AOAH: variants seen among roughly 807,000 people sequenced by gnomAD.
AOAH encodes acyloxyacyl hydrolase (neutrophil).
In AOAH, 64 loss-of-function variants were observed where a neutral mutation model predicts 92.2. That is an observed-to-expected ratio of 0.69 (90% CI 0.57 to 0.86). The LOEUF is 0.86. Ranked by LOEUF, AOAH falls within the 40% of genes least tolerant of loss-of-function variation. The pLI is 0.00. For missense variants in AOAH, 656 were observed against 694.6 expected, an observed-to-expected ratio of 0.94 and a Z score of 0.62; for synonymous variants, 263 against 254.5, an observed-to-expected ratio of 1.03 and a Z score of -0.32.
chr7:36,606,736 A>ATTGT (rs1791031960), intron 11 of AOAH, among the ~76,000 whole-genome samples: 1 of 152,090 alleles, frequency 6.6e-6, no homozygotes, highest in Non-Finnish European at 1.5e-5. Flanking sequence ...TCAAGCAGAG[A>ATTGT]TTGTTTTTTC....
intron 4 of AOAH, among the ~76,000 whole-genome samples, chr7:36,651,327 G>A (rs899240030): frequency 2.6e-5 from 4 of 152,174 alleles, no homozygotes; most frequent in Admixed American, 2.6e-4. Flanking sequence ...TAGAAAGTAT[G>A]GGACTTCAGG....
At chr7:36,587,271 CAAAA>C (rs57475443) in intron 12 of AOAH, among the ~76,000 whole-genome samples, 5 of 84,910 alleles carry the variant, frequency 5.9e-5, no homozygotes, top group Non-Finnish European at 9.5e-5. Flanking sequence ...GACTCCGTCT[CAAAA>C]AAAAAAAAAA....
In AOAH at chr7:36,614,057, C is replaced by A. The variant is rs566555814; in HGVS notation, c.846+2323G>T. On this transcript the variant is annotated intron_variant, in intron 11 of 20. Transcript: ENST00000617537. The surrounding 1 kb of genome is among the most constrained non-coding windows in gnomAD (Gnocchi z 4.2). ...GTCAAGGAAAAAATGATAATTTCTG[C>A]GGGTTAATTTCTCTGGATCAGTTTC... 3.3e-5 allele frequency among the ~76,000 whole-genome samples: 5 copies of A among 152,084 alleles called. No individual in the cohort carries two copies. The highest frequency in any genetic ancestry group is 7.4e-5 in the Non-Finnish European group (5 of 68,016).
intron 6 of AOAH, among the ~76,000 whole-genome samples, chr7:36,628,455 G>A (rs977701529): frequency 6.6e-6 from 1 of 152,116 alleles, no homozygotes; most frequent in Non-Finnish European, 1.5e-5. Context: ...TCCTTCATGT[G>A]TTCCCTCATT....
At chr7:36,542,308 G>C (rs890207237) in intron 15 of AOAH, among the ~76,000 whole-genome samples, 3 of 152,144 alleles carry the variant, frequency 2.0e-5, no homozygotes, top group Non-Finnish European at 4.4e-5. Flanking sequence ...ATGGCCCCAC[G>C]GACACCTTGA....
chr7:36,585,574 T>C (rs2116720060), intron 12 of AOAH, among the ~76,000 whole-genome samples: 1 of 152,296 alleles, frequency 6.6e-6, no homozygotes, highest in Admixed American at 6.5e-5. Flanking sequence ...ACTCTGGATA[T>C]AAGTTGGATG....
chr7:36,526,262 AT>A (rs929153640), intron 19 of AOAH, among the ~76,000 whole-genome samples: 17 of 150,598 alleles, frequency 1.1e-4, no homozygotes, highest in African/African-American at 2.2e-4. Flanking sequence ...GGTAAACATC[AT>A]TTTTTTCCCC....
In AOAH at chr7:36,614,147, C is replaced by T. The variant is rs1171536232; in HGVS notation, c.846+2233G>A. Among the ~76,000 whole-genome samples, 3 of 152,188 alleles carry T rather than the reference C, an allele frequency of 2.0e-5. No homozygotes were observed. The highest frequency in any genetic ancestry group is 2.1e-4 in the South Asian group (1 of 4,828). On this transcript the variant is annotated intron_variant, in intron 11 of 20. Transcript: ENST00000617537. This position sits in a 1 kb window ranked among gnomAD's most constrained non-coding sequence, Gnocchi z 4.2. ...TGGCTGTATGACAGGGCTTCCCCAC[C>T]GTGCCCATGTCCCTTTCTCGAGGGC...
At chr7:36,620,600 T>G (rs1231306462) in intron 9 of AOAH, among the ~76,000 whole-genome samples, 181 bp downstream of exon 9, 1 of 152,228 alleles carries the variant, frequency 6.6e-6, no homozygotes, top group Non-Finnish European at 1.5e-5. Flanking sequence ...TCAACTCTCA[T>G]GACATCATTG....
rs1312870052 is a variant in AOAH, at chr7:36,522,092, C to T, written c.1546G>A (p.Gly516Ser). ...HEIIQEWQKR[G>S]GQPWQLIEPV... The stretch of plus-strand genomic sequence containing the variant: ...TCGATGAGCTGCCAGGGCTGTCCGC[C>T]TCTCTTCTGCCACTCCTGTATGACT... The change falls in exon 20 of 21, where the codon GGC (glycine) becomes AGC (serine). Residue 516 changes from glycine to serine, a missense_variant. Gly to Ser is a moderately conservative substitution (Grantham distance 56). Coordinates refer to ENST00000617537, the MANE Select transcript of AOAH (RefSeq NM_001637.4). 1 of 1,614,216 alleles carries T rather than the reference C, an allele frequency of 6.2e-7. No homozygotes were observed. The highest frequency in any genetic ancestry group is 2.2e-5 in the East Asian group (1 of 44,890).
intron 16 of AOAH, among the ~76,000 whole-genome samples, chr7:36,536,345 G>A (rs763104083): frequency 6.6e-6 from 1 of 152,082 alleles, no homozygotes; most frequent in Non-Finnish European, 1.5e-5. Context: ...CACATTTCTA[G>A]GCCCAAATAA....
intron 5 of AOAH, among the ~76,000 whole-genome samples, chr7:36,633,718 G>A (rs1242608026): frequency 1.3e-5 from 2 of 152,126 alleles, no homozygotes; most frequent in African/African-American, 4.8e-5. Flanking sequence ...TCAGGCAGAG[G>A]AATCACATTT....
chr7:36,585,478 C>A (rs888330098), intron 12 of AOAH, among the ~76,000 whole-genome samples: 1 of 152,072 alleles, frequency 6.6e-6, no homozygotes, highest in Non-Finnish European at 1.5e-5. Flanking sequence ...ACATTTGGGT[C>A]CAATAATTTT....
intron 9 of AOAH, 113 bp downstream of exon 9, chr7:36,620,668 T>A (rs1227194437): frequency 1.1e-5 from 10 of 927,772 alleles, no homozygotes; most frequent in Non-Finnish European, 1.7e-5. Context: ...AGGAAAAGAG[T>A]TGCTTTAGGC....
chr7:36,651,940 C>A (rs756353303), intron 4 of AOAH, among the ~76,000 whole-genome samples: 1 of 152,212 alleles, frequency 6.6e-6, no homozygotes. Flanking sequence ...TTTGTGTATA[C>A]ATGGGTTGTA....
chr7:36,651,883 A>C (rs560155509), intron 4 of AOAH, among the ~76,000 whole-genome samples: 48 of 152,258 alleles, frequency 3.2e-4, no homozygotes, highest in Admixed American at 2.6e-3. Flanking sequence ...ACATCCACAT[A>C]CACACACACA....
intron 13 of AOAH, among the ~76,000 whole-genome samples, chr7:36,554,758 A>C (rs1302262180): frequency 1.3e-5 from 2 of 150,682 alleles, no homozygotes; most frequent in Non-Finnish European, 3.0e-5. Flanking sequence ...TGTGAATGGG[A>C]GTTCACTCAT....
In AOAH at chr7:36,516,531, C is replaced by T. The variant is rs1783727428; in HGVS notation, c.1600-3151G>A. 6.6e-6 allele frequency among the ~76,000 whole-genome samples: 1 copy of T among 151,946 alleles called. No homozygotes were observed. Among genetic ancestry groups the T allele is most frequent in the African/African-American group, 2.4e-5 (1 of 41,370 alleles). Reference sequence around the variant, plus strand: ...CACACCCCACATATACTTCTTTGCACTTAAAAGCAGGAGCATGTCAAAGGC... The same window carrying T: ...CACACCCCACATATACTTCTTTGCATTTAAAAGCAGGAGCATGTCAAAGGC... On this transcript the variant is annotated intron_variant, in intron 20 of 20. Transcript: ENST00000617537. The surrounding 1 kb of genome is among the most constrained non-coding windows in gnomAD (Gnocchi z 5.0).
chr7:36,659,032 G>C (rs2116520900), intron 4 of AOAH, 134 bp downstream of exon 4: 2 of 729,700 alleles, frequency 2.7e-6, no homozygotes, highest in East Asian at 5.1e-5. Flanking sequence ...TTCTTGCGGG[G>C]TAATTGAAAA....
Sources: allele counts gnomAD v4.1 joint callset (sites outside exome capture counted in the v4.1 genomes callset), GRCh38; gene constraint gnomAD v4.1.1; non-coding constraint Gnocchi (gnomAD v3.1); transcripts MANE v1.5; gene names NCBI Gene and HGNC (gene_info 2026-07-23, HGNC 2026-07-21).